JPH3: variants seen among roughly 807,000 people sequenced by gnomAD.
JPH3 encodes junctophilin 3.
In JPH3, 11 loss-of-function variants were observed where a neutral mutation model predicts 59.6. That is an observed-to-expected ratio of 0.18 (90% CI 0.12 to 0.31). The LOEUF (loss-of-function observed/expected upper bound fraction) is 0.31. Ranked by LOEUF, JPH3 falls within the 10% of genes least tolerant of loss-of-function variation. The pLI, the probability that JPH3 is intolerant of heterozygous loss-of-function variation, is 1.00. For synonymous variants in JPH3, 673 were observed against 483.6 expected, an observed-to-expected ratio of 1.39 and a Z score of -5.14; for missense variants, 1,202 against 1,105.7, an observed-to-expected ratio of 1.09 and a Z score of -1.24.
At chr16:87,643,628 C>T (rs1040132078) in intron 1 of JPH3, among the ~76,000 whole-genome samples, 2 of 152,202 alleles carry the variant, frequency 1.3e-5, no homozygotes, top group African/African-American at 4.8e-5. Context: ...TTTCCTTGTG[C>T]CCTTGGCAGG....
In JPH3 at chr16:87,656,958, CTCT is replaced by C. The variant is rs566259736; in HGVS notation, c.1160+11928_1160+11930del. 1.4e-3 allele frequency among the ~76,000 whole-genome samples: 215 copies of C among 152,284 alleles called. 1 individual carries two copies. The highest frequency in any genetic ancestry group is 4.9e-3 in the African/African-American group (204 of 41,562). ...GCATGGAGAGGATCTCCCTCTCCTC[CTCT>C]TCTTATAAGGTCACCAGTCCCATCA... On this transcript the variant is annotated intron_variant, in intron 2 of 4. Coordinates refer to ENST00000284262, the MANE Select transcript of JPH3 (RefSeq NM_020655.4).
chr16:87,602,345 C>T (rs1488868506), upstream of JPH3, among the ~76,000 whole-genome samples: 1 of 136,478 alleles, frequency 7.3e-6, no homozygotes, highest in Non-Finnish European at 1.6e-5. Context: ...GGCGGGGCGC[C>T]CGGGGTCCCC....
rs77160746 is a variant in JPH3, at chr16:87,635,568, G to A, written c.383-8690G>A. 7.5e-3 allele frequency among the ~76,000 whole-genome samples: 1,148 copies of A among 152,290 alleles called. 15 individuals are homozygous for A. The highest frequency in any genetic ancestry group is 0.025 in the African/African-American group (1,046 of 41,566). Reference sequence around the variant, plus strand: ...ACTGTCCCAGCGGATCTCCGAGCAGGGTCCCTTGAGCATTAGGAATGCAGC... The same window carrying A: ...ACTGTCCCAGCGGATCTCCGAGCAGAGTCCCTTGAGCATTAGGAATGCAGC... On this transcript the variant is annotated intron_variant, in intron 1 of 4. Coordinates refer to ENST00000284262, the MANE Select transcript of JPH3 (RefSeq NM_020655.4).
intron 1 of JPH3, among the ~76,000 whole-genome samples, chr16:87,632,311 C>G (rs2031589480): frequency 6.6e-6 from 1 of 152,240 alleles, no homozygotes; most frequent in South Asian, 2.1e-4. Context: ...CTCCCCCACC[C>G]TCCTCTGCCT....
At chr16:87,695,114 C>T (rs917953630) in intron 4 of JPH3, 5 of 357,808 alleles carry the variant, frequency 1.4e-5, no homozygotes, top group Non-Finnish European at 2.7e-5. Flanking sequence ...AATTCTCTTC[C>T]AGTCTCTGGG....
At chr16:87,637,854 C>T (rs374378291) in intron 1 of JPH3, among the ~76,000 whole-genome samples, 5 of 152,052 alleles carry the variant, frequency 3.3e-5, no homozygotes, top group African/African-American at 4.8e-5. Flanking sequence ...TGACCAGCAC[C>T]CCGTGCGGGG....
At chr16:87,623,187 C>A (rs2031252377) in intron 1 of JPH3, among the ~76,000 whole-genome samples, 1 of 152,236 alleles carries the variant, frequency 6.6e-6, no homozygotes, top group Non-Finnish European at 1.5e-5. Flanking sequence ...CTCCTGGGAG[C>A]TGTGTGGTCC....
chr16:87,631,327 C>T (rs1343876554), intron 1 of JPH3, among the ~76,000 whole-genome samples: 1 of 152,202 alleles, frequency 6.6e-6, no homozygotes, highest in Non-Finnish European at 1.5e-5. Flanking sequence ...GATATAGTTT[C>T]TGTGGCTTGA....
chr16:87,659,396 A>AAAAAAAAAAAAAAAC (rs2032626970), intron 2 of JPH3, among the ~76,000 whole-genome samples: 1 of 137,548 alleles, frequency 7.3e-6, no homozygotes, highest in Non-Finnish European at 1.6e-5. Flanking sequence ...AGAAAAAAAA[A>AAAAAAAAAAAAAAAC]AAGAAAACTA....
chr16:87,661,907 C>A (rs1029381318), intron 2 of JPH3, among the ~76,000 whole-genome samples: 1 of 152,230 alleles, frequency 6.6e-6, no homozygotes, highest in Non-Finnish European at 1.5e-5. Context: ...ACACTCACGT[C>A]CCATCTGCTG....
At chr16:87,677,868 T>C (rs759197202) in intron 2 of JPH3, among the ~76,000 whole-genome samples, 8 of 152,244 alleles carry the variant, frequency 5.3e-5, no homozygotes, top group Non-Finnish European at 4.4e-5. Flanking sequence ...AGGCCTGAGA[T>C]TGTGGGGATG....
At chr16:87,684,347 C>A in intron 3 of JPH3, 81 bp downstream of exon 3, 1 of 1,555,216 alleles carries the variant, frequency 6.4e-7, no homozygotes, top group Non-Finnish European at 8.7e-7. Flanking sequence ...CAGATGTGTC[C>A]TCCAGAGCGG....
At chr16:87,616,505 C>A (rs962913723) in intron 1 of JPH3, among the ~76,000 whole-genome samples, 1 of 151,840 alleles carries the variant, frequency 6.6e-6, no homozygotes, top group South Asian at 2.1e-4. Flanking sequence ...CCACCTCGGC[C>A]TTCCAAAGTG....
At position 87,696,631 on chromosome 16, in the gene JPH3, G is replaced by A. The variant is rs756387062; in HGVS notation, c.2218G>A (p.Ala740Thr). Residue 740 changes from alanine (A) to threonine (T), a missense_variant, in exon 5 of 5, where the codon GCC becomes ACC. Transcript: ENST00000284262. Reference sequence around the variant, plus strand: ...GGTGATCTTGCTCAACATCGGAGTCGCCATTCTGTTTATTAACTTTTTCAT... The same window carrying A: ...GGTGATCTTGCTCAACATCGGAGTCACCATTCTGTTTATTAACTTTTTCAT... ...VMVILLNIGV[A>T]ILFINFFI The A allele has an allele frequency of 8.7e-6, 14 of 1,613,596 alleles. No individual in the cohort carries two copies. The highest frequency in any genetic ancestry group is 1.7e-5 in the Admixed American group (1 of 60,014).
At chr16:87,672,017 CAGGCAGGTGTAGGGCT>C (rs1172340960) in intron 2 of JPH3, among the ~76,000 whole-genome samples, 2 of 152,178 alleles carry the variant, frequency 1.3e-5, no homozygotes, top group Admixed American at 1.3e-4. Context: ...CGTTCAGTCC[CAGGCAGGTGTAGGGCT>C]GGGCAGGTGG....
intron 2 of JPH3, among the ~76,000 whole-genome samples, chr16:87,677,736 C>T (rs901870443): frequency 7.2e-5 from 11 of 152,184 alleles, no homozygotes; most frequent in African/African-American, 2.4e-4. Flanking sequence ...CAGAAGAGCT[C>T]GCTTGCCCAT....
At chr16:87,692,215 CCCCG>C (rs1363316337) in intron 4 of JPH3, among the ~76,000 whole-genome samples, 2 of 129,178 alleles carry the variant, frequency 1.5e-5, no homozygotes, top group Non-Finnish European at 3.7e-5. Flanking sequence ...CTGTCTCCCT[CCCCG>C]TCTCCCTCCC....
chr16:87,696,641 T>TAA lies in JPH3; in HGVS notation c.2228_2229insAA (p.Phe743LeufsTer13). 1 of 1,613,376 alleles carries TAA rather than the reference T, an allele frequency of 6.2e-7. No individual in the cohort carries two copies. Among genetic ancestry groups the TAA allele is most frequent in the Non-Finnish European group, 8.5e-7 (1 of 1,179,696 alleles). On this transcript the variant is annotated frameshift_variant, in exon 5 of 5. Coordinates refer to ENST00000284262, the MANE Select transcript of JPH3 (RefSeq NM_020655.4). LOFTEE classifies it high-confidence loss of function. ...CTCAACATCGGAGTCGCCATTCTGT[T>TAA]TATTAACTTTTTCATCTGATGAGAT... is the stretch of plus-strand genomic sequence containing the variant.
Position 87,603,475 on chromosome 16 carries a change from C to T in JPH3, c.329C>T (p.Thr110Ile), listed in dbSNP as rs2030346391. ...GGCAACGGGGCCAAATACGAAGGGA[C>T]CTGGAGCAACGGGCTGCAGGACGGC... ...CAGNGAKYEGTWSNGLQDGYG... is the reference protein window; with the variant it reads ...CAGNGAKYEGIWSNGLQDGYG... The change falls in exon 1 of 5, where the codon ACC becomes ATC. Residue 110 changes from threonine (T) to isoleucine (I), a missense_variant. Transcript: ENST00000284262. The T allele has an allele frequency of 2.6e-6, 4 of 1,557,270 alleles. No individual in the cohort carries two copies. Among genetic ancestry groups the T allele is most frequent in the South Asian group, 1.2e-5 (1 of 84,610 alleles).
Sources: gnomAD v4.1 joint callset for allele counts (sites outside exome capture counted in the v4.1 genomes callset) on GRCh38, gnomAD v4.1.1 for gene constraint, MANE v1.5 for transcripts, NCBI Gene and HGNC (gene_info 2026-07-23, HGNC 2026-07-21) for gene names.